AKAP19: variants seen among roughly 807,000 people sequenced by gnomAD.
AKAP19 encodes A-kinase anchoring protein 19, also known as small A-kinase anchoring protein.
At chr2:190,165,165 G>A in the AKAP19 span, among the ~76,000 whole-genome samples, 2 of 152,226 alleles carry the variant, frequency 1.3e-5, no homozygotes, top group Admixed American at 1.3e-4. Flanking sequence ...GGCCAGTCCT[G>A]GTGGCTCACA....
the AKAP19 span, among the ~76,000 whole-genome samples, chr2:189,896,663 G>A: frequency 6.6e-6 from 1 of 152,056 alleles, no homozygotes; most frequent in Non-Finnish European, 1.5e-5. Flanking sequence ...TAATATGAAT[G>A]ACTGGAATAT....
chr2:190,002,281 C>T, the AKAP19 span, among the ~76,000 whole-genome samples: 2 of 152,110 alleles, frequency 1.3e-5, no homozygotes, highest in Admixed American at 1.3e-4. Flanking sequence ...AGAGGATTTG[C>T]TTTGCTTGTT....
At chr2:190,119,154 A>G in the AKAP19 span, among the ~76,000 whole-genome samples, 1 of 152,230 alleles carries the variant, frequency 6.6e-6, no homozygotes, top group Non-Finnish European at 1.5e-5. Context: ...CTTGGTCTTC[A>G]TGCCAGTTTA....
the AKAP19 span, among the ~76,000 whole-genome samples, chr2:190,151,766 C>A: frequency 0.21 from 32,242 of 151,810 alleles, 3,583 homozygotes; most frequent in Admixed American, 0.29. Flanking sequence ...CTTTGAGAGG[C>A]CAAGGCAGTC....
chr2:190,066,485 T>C, the AKAP19 span, among the ~76,000 whole-genome samples: 1 of 152,088 alleles, frequency 6.6e-6, no homozygotes, highest in Admixed American at 6.6e-5. Context: ...CTCAGAAAGT[T>C]TTATCTGATA....
chr2:190,111,881 G>T, the AKAP19 span, among the ~76,000 whole-genome samples: 105 of 151,610 alleles, frequency 6.9e-4, no homozygotes, highest in Non-Finnish European at 1.2e-3. Flanking sequence ...CAACATCATG[G>T]TTTTTTTGTT....
chr2:190,076,755 T>C, the AKAP19 span, among the ~76,000 whole-genome samples: 1 of 152,210 alleles, frequency 6.6e-6, no homozygotes, highest in East Asian at 1.9e-4. Flanking sequence ...TTGATGTGAT[T>C]TTCTCTATGT....
At chr2:190,067,185 A>T in the AKAP19 span, among the ~76,000 whole-genome samples, 1 of 152,236 alleles carries the variant, frequency 6.6e-6, no homozygotes, top group South Asian at 2.1e-4. Flanking sequence ...ATTTGCTGAC[A>T]GAGTCATGAT....
the AKAP19 span, among the ~76,000 whole-genome samples, chr2:190,013,047 A>C: frequency 2.8e-4 from 42 of 152,292 alleles, no homozygotes; most frequent in African/African-American, 9.6e-4. Context: ...TATATTTATC[A>C]GGGTTATATA....
At chr2:190,065,427 A>C in the AKAP19 span, among the ~76,000 whole-genome samples, 1 of 152,172 alleles carries the variant, frequency 6.6e-6, no homozygotes, top group Non-Finnish European at 1.5e-5. Context: ...TGTACACCTA[A>C]AAATGGTTAA....
chr2:189,930,620 C>G, the AKAP19 span: 271,011 of 288,328 alleles, frequency 0.94, 127,777 homozygotes, highest in East Asian at 0.98. Flanking sequence ...AGGTTGCAGT[C>G]AGCCAAGATC....
At chr2:190,005,772 G>A in the AKAP19 span, among the ~76,000 whole-genome samples, 9 of 152,296 alleles carry the variant, frequency 5.9e-5, no homozygotes, top group African/African-American at 1.7e-4. Context: ...CAAATGGCAA[G>A]CTTCATTGAG....
At chr2:190,049,361 T>G in the AKAP19 span, among the ~76,000 whole-genome samples, 3 of 152,196 alleles carry the variant, frequency 2.0e-5, no homozygotes, top group African/African-American at 7.2e-5. Context: ...ATTTTTCACC[T>G]ATCAGACTAG....
At chr2:190,189,091 G>A in the AKAP19 span, among the ~76,000 whole-genome samples, 5 of 152,156 alleles carry the variant, frequency 3.3e-5, no homozygotes, top group African/African-American at 1.2e-4. Context: ...AGACCTGTTT[G>A]GGAGACTGGG....
chr2:190,075,194 A>G, the AKAP19 span, among the ~76,000 whole-genome samples: 13 of 152,248 alleles, frequency 8.5e-5, no homozygotes, highest in South Asian at 2.7e-3. Context: ...ATATTCAGAT[A>G]TTTTCCAGAT....
the AKAP19 span, among the ~76,000 whole-genome samples, chr2:190,037,243 A>ACAGTC: frequency 6.6e-6 from 1 of 152,230 alleles, no homozygotes; most frequent in East Asian, 1.9e-4. Flanking sequence ...GGTAATGAAC[A>ACAGTC]CAGTCCCACA....
chr2:189,884,736 G>C, the AKAP19 span, among the ~76,000 whole-genome samples: 1 of 152,194 alleles, frequency 6.6e-6, no homozygotes, highest in Non-Finnish European at 1.5e-5. Context: ...TAGTATATGA[G>C]TATGGGACTT....
At chr2:189,987,576 C>T in the AKAP19 span, among the ~76,000 whole-genome samples, 3 of 152,176 alleles carry the variant, frequency 2.0e-5, no homozygotes, top group African/African-American at 7.2e-5. Flanking sequence ...CCACTCTGTC[C>T]TACCTAAACT....
chr2:190,142,171 T>G, the AKAP19 span, among the ~76,000 whole-genome samples: 8 of 152,192 alleles, frequency 5.3e-5, no homozygotes, highest in Non-Finnish European at 1.0e-4. Flanking sequence ...GGAGGGAATT[T>G]CAGTGTTTCA....
Sources: allele counts gnomAD v4.1 joint callset (sites outside exome capture counted in the v4.1 genomes callset), GRCh38; gene constraint gnomAD v4.1.1; transcripts MANE v1.5; gene names NCBI Gene and HGNC (gene_info 2026-07-23, HGNC 2026-07-21).